The following RIT2 variants were observed in gnomAD, a reference collection of about 807,000 sequenced individuals.
The protein encoded by RIT2 is GTP-binding protein Rit2.
RIT2 carries 24 observed loss-of-function variants against 23.7 expected under a neutral mutation model. The ratio of observed to expected loss-of-function variants is 1.01; its 90% confidence interval spans 0.73 to 1.43. The LOEUF is 1.43. RIT2 is among the 40% of genes most tolerant of loss of function. The probability of loss-of-function intolerance (pLI) is 0.00; values close to 1 mark genes in which losing one functional copy is unlikely to be tolerated. For missense variants in RIT2, 236 were observed against 266.9 expected, an observed-to-expected ratio of 0.88 and a Z score of 0.81; for synonymous variants, 107 against 91.1, an observed-to-expected ratio of 1.17 and a Z score of -0.99.
In RIT2 at chr18:42,940,730, A is replaced by T. The variant is rs143569650; in HGVS notation, c.235-16967T>A. 1.2e-4 allele frequency among the ~76,000 whole-genome samples: 19 copies of T among 152,308 alleles called. No homozygotes were observed. In the East Asian group the frequency reaches 1.9e-3, roughly 15 times the overall value. On this transcript the variant is annotated intron_variant, in intron 3 of 4. Transcript: ENST00000326695. ...CATCAATAATTCTAATTTATAAATT[A>T]GGAAAATGAAGCTCAGGAACATTCA...
intron 4 of RIT2, among the ~76,000 whole-genome samples, chr18:42,795,661 C>G (rs577348423): frequency 9.9e-5 from 15 of 152,234 alleles, no homozygotes; most frequent in Non-Finnish European, 2.1e-4. Context: ...AGCCCGGGTG[C>G]GGGATCCACT....
At chr18:42,755,055 T>C (rs1427145175) in intron 4 of RIT2, among the ~76,000 whole-genome samples, 3 of 152,178 alleles carry the variant, frequency 2.0e-5, no homozygotes, top group South Asian at 4.1e-4. Flanking sequence ...ATAGAATTGG[T>C]AATAGGATTC....
At chr18:43,029,890 G>T (rs899632732) in intron 2 of RIT2, among the ~76,000 whole-genome samples, 2 of 151,978 alleles carry the variant, frequency 1.3e-5, no homozygotes, top group African/African-American at 4.8e-5. Context: ...CAAACATAGA[G>T]AATTTTTATA....
At chr18:42,928,319 G>A (rs974205684) in intron 3 of RIT2, among the ~76,000 whole-genome samples, 9 of 152,014 alleles carry the variant, frequency 5.9e-5, no homozygotes, top group Non-Finnish European at 1.3e-4. Flanking sequence ...TGAGAAAACG[G>A]CAAGAACAGT....
chr18:42,969,540 G>A (rs145513683), intron 3 of RIT2, among the ~76,000 whole-genome samples: 96 of 152,140 alleles, frequency 6.3e-4, no homozygotes, highest in Non-Finnish European at 1.2e-3. Context: ...CTTGACTGCA[G>A]AGTTGGTTAG....
At chr18:42,992,897 CATTTTATTTTATTACCCA>C (rs1165159675) in intron 2 of RIT2, among the ~76,000 whole-genome samples, 3 of 152,120 alleles carry the variant, frequency 2.0e-5, no homozygotes. Context: ...TATCAATATG[CATTTTATTTTATTACCCA>C]ATCTGCTCCC....
intron 4 of RIT2, among the ~76,000 whole-genome samples, chr18:42,914,028 T>A (rs1199562731): frequency 1.3e-5 from 2 of 152,016 alleles, no homozygotes; most frequent in African/African-American, 4.8e-5. Flanking sequence ...CATGTACAGA[T>A]CCTTAACTGT....
chr18:43,009,130 C>T (rs528326506), intron 2 of RIT2, among the ~76,000 whole-genome samples: 46 of 151,664 alleles, frequency 3.0e-4, no homozygotes, highest in African/African-American at 8.9e-4. Flanking sequence ...ACCAACCCAT[C>T]GCAATGTCAG....
intron 4 of RIT2, among the ~76,000 whole-genome samples, chr18:42,885,459 G>A (rs866844344): frequency 4.6e-5 from 7 of 152,036 alleles, no homozygotes; most frequent in African/African-American, 7.2e-5. Flanking sequence ...GGTGGCGGGC[G>A]CCTGTAGTCC....
chr18:42,824,035 A>C (rs1348128797), intron 4 of RIT2, among the ~76,000 whole-genome samples: 1 of 152,092 alleles, frequency 6.6e-6, no homozygotes, highest in Non-Finnish European at 1.5e-5. Context: ...GTTTCCACTC[A>C]TTTCCTTGTT....
At chr18:43,009,916 T>C (rs1028134589) in intron 2 of RIT2, among the ~76,000 whole-genome samples, 1 of 151,718 alleles carries the variant, frequency 6.6e-6, no homozygotes, top group African/African-American at 2.4e-5. Flanking sequence ...TCCAGTTTTA[T>C]CCACTCTGTC....
intron 2 of RIT2, among the ~76,000 whole-genome samples, chr18:43,024,092 T>C (rs1168741127): frequency 6.6e-6 from 1 of 152,138 alleles, no homozygotes; most frequent in African/African-American, 2.4e-5. Flanking sequence ...TATGCTTTTA[T>C]AGGCCGTTGT....
chr18:42,783,744 T>G (rs1437824343), intron 4 of RIT2, among the ~76,000 whole-genome samples: 1 of 152,056 alleles, frequency 6.6e-6, no homozygotes, highest in Non-Finnish European at 1.5e-5. Flanking sequence ...CTCAATCAGG[T>G]AAGTACCATA....
intron 1 of RIT2, among the ~76,000 whole-genome samples, chr18:43,068,366 C>G (rs117869521): frequency 0.029 from 4,377 of 152,250 alleles, 84 homozygotes; most frequent in Non-Finnish European, 0.039. Context: ...CTCATAATAA[C>G]TGGGCTAACC....
intron 2 of RIT2, among the ~76,000 whole-genome samples, chr18:43,026,588 G>GAAAGAAAGAAAGAAAT (rs1249471905): frequency 1.5e-3 from 164 of 109,764 alleles, no homozygotes; most frequent in African/African-American, 5.0e-3. Flanking sequence ...AAGAAAGAAA[G>GAAAGAAAGAAAGAAAT]AAAGAAAGAA....
chr18:42,920,092 T>C (rs1188165684), intron 4 of RIT2, among the ~76,000 whole-genome samples: 1 of 152,274 alleles, frequency 6.6e-6, no homozygotes, highest in South Asian at 2.1e-4. Context: ...TTTGGGCTAC[T>C]ACTGGCTTAT....
At position 42,948,735 on chromosome 18, in the gene RIT2, G is replaced by C. The variant is rs116540833; in HGVS notation, c.235-24972C>G. Among the ~76,000 whole-genome samples, 152 of 152,166 alleles carry C rather than the reference G, an allele frequency of 1.0e-3. 1 individual carries two copies. The highest frequency in any genetic ancestry group is 3.6e-3 in the African/African-American group (148 of 41,554). On this transcript the variant is annotated intron_variant, in intron 3 of 4. Coordinates refer to ENST00000326695, the MANE Select transcript of RIT2 (RefSeq NM_002930.4). ...TTAATCAGAGGAAAATCAAGAGAAA[G>C]AAACTTCAGTTGGGGCACTGCTCCC... is the stretch of plus-strand genomic sequence containing the variant.
chr18:42,765,855 T>A (rs1913408631), intron 4 of RIT2, among the ~76,000 whole-genome samples: 1 of 152,170 alleles, frequency 6.6e-6, no homozygotes, highest in South Asian at 2.1e-4. Context: ...TCATGAGGGC[T>A]GGTCTTTCCC....
intron 4 of RIT2, among the ~76,000 whole-genome samples, chr18:42,874,240 T>C (rs1312083124): frequency 6.6e-6 from 1 of 152,176 alleles, no homozygotes; most frequent in African/African-American, 2.4e-5. Flanking sequence ...AAATAGAGCT[T>C]GAGTAATAGC....
Sources: gnomAD v4.1 joint callset for allele counts (sites outside exome capture counted in the v4.1 genomes callset) on GRCh38, gnomAD v4.1.1 for gene constraint, MANE v1.5 for transcripts, NCBI Gene and HGNC (gene_info 2026-07-23, HGNC 2026-07-21) for gene names.